TMLHE: variants seen among roughly 807,000 people sequenced by gnomAD.
TMLHE encodes trimethyllysine hydroxylase, epsilon.
A neutral mutation model predicts 25.7 loss-of-function variants in TMLHE; 18 were observed. The ratio of observed to expected loss-of-function variants is 0.70; its 90% confidence interval spans 0.48 to 1.04. TMLHE has a LOEUF of 1.04. Ranked by LOEUF, TMLHE falls within the 50% of genes least tolerant of loss-of-function variation. The pLI, the probability that TMLHE is intolerant of heterozygous loss-of-function variation, is 0.00. For missense variants in TMLHE, 236 were observed against 259.0 expected, an observed-to-expected ratio of 0.91 and a Z score of 0.61; for synonymous variants, 105 against 97.0, an observed-to-expected ratio of 1.08 and a Z score of -0.49.
At chrX:155,596,667 C>T (rs2067722427) in intron 1 of TMLHE, among the ~76,000 whole-genome samples, 1 of 111,722 alleles carries the variant, frequency 9.0e-6, no homozygotes, top group South Asian at 3.8e-4. Context: ...ACACTGTCCC[C>T]TAAATGCTAA....
intron 5 of TMLHE, among the ~76,000 whole-genome samples, chrX:155,510,508 G>A (rs1266361303): frequency 9.8e-6 from 1 of 102,388 alleles, no homozygotes; most frequent in Non-Finnish European, 2.0e-5. Flanking sequence ...TGTTTGGTTT[G>A]TTGTTCTTGT....
chrX:155,592,194 G>C (rs1417769303), intron 1 of TMLHE, among the ~76,000 whole-genome samples: 1 of 111,822 alleles, frequency 8.9e-6, no homozygotes, highest in Non-Finnish European at 1.9e-5. Context: ...GGGGCTGGGT[G>C]CAGGGGAGGG....
At chrX:155,533,888 A>C (rs2067263899) in intron 2 of TMLHE, among the ~76,000 whole-genome samples, 1 of 112,210 alleles carries the variant, frequency 8.9e-6, no homozygotes, top group Non-Finnish European at 1.9e-5. Context: ...AAATGAATTG[A>C]AGAAGGAACT....
chrX:155,510,128 A>C (rs1326239053), intron 5 of TMLHE, among the ~76,000 whole-genome samples: 3 of 111,482 alleles, frequency 2.7e-5, no homozygotes, highest in Admixed American at 1.9e-4. Flanking sequence ...ATGGTTAGGC[A>C]ATACTTTTTT....
intron 2 of TMLHE, among the ~76,000 whole-genome samples, chrX:155,530,312 C>T (rs781850393): frequency 4.5e-5 from 5 of 110,290 alleles, no homozygotes; most frequent in Non-Finnish European, 5.7e-5. Context: ...TGAAATAAAC[C>T]AGATACAGAA....
chrX:155,598,368 A>G (rs2067735453), intron 1 of TMLHE, among the ~76,000 whole-genome samples: 1 of 110,324 alleles, frequency 9.1e-6, no homozygotes, highest in Non-Finnish European at 1.9e-5. Context: ...AATACTATGC[A>G]GCCATAAAAA....
intron 1 of TMLHE, among the ~76,000 whole-genome samples, chrX:155,586,941 G>A (rs2067668520): frequency 8.9e-6 from 1 of 111,978 alleles, no homozygotes; most frequent in Non-Finnish European, 1.9e-5. Context: ...AGTGTATAAA[G>A]AACAACTAAT....
At chrX:155,559,733 T>A (rs2067481822) in intron 1 of TMLHE, among the ~76,000 whole-genome samples, 2 of 112,424 alleles carry the variant, frequency 1.8e-5, no homozygotes, top group Non-Finnish European at 1.9e-5. Flanking sequence ...TCCAAATGTC[T>A]TTCAGATTTG....
rs1177508444 is a variant in TMLHE at position 155,551,214 on chromosome X, C to CT, written c.-1-5938dup. Among the ~76,000 whole-genome samples the CT allele has an allele frequency of 1.8e-4, 20 of 109,676 alleles. 1 individual carries two copies. The South Asian group carries it at 5.8e-3, about 32-fold the overall frequency. On this transcript the variant is annotated intron_variant, in intron 1 of 7. Transcript: ENST00000334398. ...AAGTTTCCAGCAGCTCATGTATTTT[C>CT]TTTTTTTTTATTATACTAAAAGTTT... is the stretch of plus-strand genomic sequence containing the variant.
intron 2 of TMLHE, among the ~76,000 whole-genome samples, chrX:155,536,386 A>G (rs1430096366): frequency 1.8e-5 from 2 of 111,550 alleles, no homozygotes; most frequent in Admixed American, 9.6e-5. Flanking sequence ...GCTCTACTAG[A>G]TAGCTAGTAA....
intron 1 of TMLHE, among the ~76,000 whole-genome samples, chrX:155,583,089 A>G (rs2067641465): frequency 2.7e-5 from 3 of 110,974 alleles, no homozygotes; most frequent in South Asian, 3.8e-4. Context: ...ACCAAACACC[A>G]CATGTTCTCA....
chrX:155,514,213 G>C lies in TMLHE; in HGVS notation c.411C>G (p.Ser137Arg). The C allele has an allele frequency of 1.7e-6, 2 of 1,210,058 alleles. No individual in the cohort carries two copies. Among genetic ancestry groups the C allele is most frequent in the Non-Finnish European group, 2.2e-6 (2 of 894,558 alleles). The change falls in exon 4 of 8, where the codon AGC (serine) becomes AGG (arginine). Residue 137 changes from serine to arginine, a missense_variant. Ser to Arg is a moderately radical substitution (Grantham distance 110, BLOSUM62 -1). This residue lies in a region of TMLHE where 217 missense variants were observed against 214.6 expected (regional missense o/e 1.01). Coordinates refer to ENST00000334398, the MANE Select transcript of TMLHE (RefSeq NM_018196.4). ...KYDLNWLVKN[S>R]YEGQKQKVIQ... ...TGACTTTTTGTTTCTGCCCTTCATA[G>C]CTGTTTTTCACCAGCCAATTCAAAT...
At chrX:155,548,529 TATGAGGCCAGCCTGACTAACATG>T (rs2067377424) in intron 1 of TMLHE, among the ~76,000 whole-genome samples, 1 of 107,598 alleles carries the variant, frequency 9.3e-6, no homozygotes, top group African/African-American at 3.6e-5. Context: ...AGGTCAGCAG[TATGAGGCCAGCCTGACTAACATG>T]GTGAAACCCT....
intron 2 of TMLHE, among the ~76,000 whole-genome samples, chrX:155,543,328 G>T (rs1208350468): frequency 1.8e-5 from 2 of 111,726 alleles, no homozygotes; most frequent in Non-Finnish European, 3.8e-5. Context: ...AAAACTGTTA[G>T]ACTTAATGAA....
chrX:155,607,651 T>C (rs1423784984), intron 1 of TMLHE, among the ~76,000 whole-genome samples: 2 of 111,643 alleles, frequency 1.8e-5, no homozygotes, highest in Non-Finnish European at 3.8e-5. Flanking sequence ...ATTTTATACA[T>C]AGAAAACCCC....
chrX:155,509,955 C>T (rs993076030), intron 5 of TMLHE, among the ~76,000 whole-genome samples: 7 of 111,374 alleles, frequency 6.3e-5, no homozygotes, highest in African/African-American at 1.6e-4. Flanking sequence ...CATCTTATTC[C>T]GTGTGAAGAA....
chrX:155,582,614 A>G (rs1174589218), intron 1 of TMLHE, among the ~76,000 whole-genome samples: 3 of 112,096 alleles, frequency 2.7e-5, no homozygotes, highest in African/African-American at 9.7e-5. Flanking sequence ...AATCAAAACC[A>G]CAATGAGATA....
rs782777712 is a variant in TMLHE, at chrX:155,548,530, A to T, written c.-1-3253T>A. 2.9e-3 allele frequency among the ~76,000 whole-genome samples: 310 copies of T among 108,043 alleles called. 8 individuals are homozygous for T. The highest frequency in any genetic ancestry group is 8.7e-3 in the African/African-American group (245 of 28,145). 93.8% of individuals were successfully genotyped at this position (108,043 alleles called of 115,157 possible). ...GCGGGCGGATCACAAGGTCAGCAGTATGAGGCCAGCCTGACTAACATGGTG... is the reference window on the plus strand; with the variant it reads ...GCGGGCGGATCACAAGGTCAGCAGTTTGAGGCCAGCCTGACTAACATGGTG... On this transcript the variant is annotated intron_variant, in intron 1 of 7. Transcript: ENST00000334398.
intron 2 of TMLHE, among the ~76,000 whole-genome samples, chrX:155,535,272 A>C (rs782489598): frequency 8.9e-6 from 1 of 112,418 alleles, no homozygotes; most frequent in East Asian, 2.8e-4. Flanking sequence ...TGCTATAACA[A>C]AATTATAATA....
Sources: gnomAD v4.1 joint callset for allele counts (sites outside exome capture counted in the v4.1 genomes callset) on GRCh38, gnomAD v4.1.1 for gene constraint, gnomAD v4.1.1 regional missense constraint, MANE v1.5 for transcripts, NCBI Gene and HGNC (gene_info 2026-07-23, HGNC 2026-07-21) for gene names.